Variants in THSD4 observed in about 807,000 individuals in gnomAD.
THSD4 encodes thrombospondin type-1 domain-containing protein 4.
A neutral mutation model predicts 119.0 loss-of-function variants in THSD4; 69 were observed. The ratio of observed to expected loss-of-function variants is 0.58; its 90% CI spans 0.48 to 0.71. The LOEUF (loss-of-function observed/expected upper bound fraction) is 0.71. THSD4 is among the 30% of genes least tolerant of loss of function. The probability of loss-of-function intolerance (pLI) is 0.00; values close to 1 mark genes in which losing one functional copy is unlikely to be tolerated. For synonymous variants in THSD4, 524 were observed against 540.4 expected (o/e 0.97, Z 0.42); for missense variants, 1,393 against 1,391.1 (o/e 1.00, Z -0.02).
chr15:71,520,644 A>T (rs539847470), intron 7 of THSD4, among the ~76,000 whole-genome samples: 1 of 152,198 alleles, frequency 6.6e-6, no homozygotes, highest in African/African-American at 2.4e-5. Context: ...AGCACTTACA[A>T]TGTGTCAGGT....
Position 71,341,522 on chromosome 15 carries a change from T to C in THSD4, c.1016-70165T>C, listed in dbSNP as rs199698042. Reference sequence around the variant, plus strand: ...CTGCGCACACCTGCCAACTCCACCGTTGTAATGTCGGAATGGTACACACTG... The same window carrying C: ...CTGCGCACACCTGCCAACTCCACCGCTGTAATGTCGGAATGGTACACACTG... On this transcript the variant is annotated intron_variant, in intron 6 of 17. Coordinates refer to ENST00000261862, the MANE Select transcript of THSD4 (RefSeq NM_024817.3). 8.6e-4 allele frequency: 1,389 copies of C among 1,612,224 alleles called. 22 individuals are homozygous for C. The South Asian group carries it at 0.014, about 16-fold the overall frequency.
In THSD4 at chr15:71,468,625, G is replaced by A. The variant is rs543052214; in HGVS notation, c.1152+56802G>A. On this transcript the variant is annotated intron_variant, in intron 7 of 17. Coordinates refer to ENST00000261862, the MANE Select transcript of THSD4 (RefSeq NM_024817.3). Reference sequence around the variant, plus strand: ...TAAAACATTACTTTTAGCTATAATAGAAAAAATAATAGCAGTGATCTAAAG... The same window carrying A: ...TAAAACATTACTTTTAGCTATAATAAAAAAAATAATAGCAGTGATCTAAAG... Among the ~76,000 whole-genome samples the A allele has an allele frequency of 1.2e-3, 182 of 152,208 alleles. 1 individual carries two copies. Among genetic ancestry groups the A allele is most frequent in the African/African-American group, 4.0e-3 (166 of 41,532 alleles).
intron 7 of THSD4, among the ~76,000 whole-genome samples, chr15:71,601,975 C>T (rs150182548): frequency 6.6e-6 from 1 of 152,168 alleles, no homozygotes; most frequent in African/African-American, 2.4e-5. Context: ...TTAGGAAAAC[C>T]ATGTGAAAAG....
intron 6 of THSD4, among the ~76,000 whole-genome samples, chr15:71,332,608 C>T (rs76000327): frequency 0.017 from 2,520 of 152,214 alleles, 33 homozygotes; most frequent in Middle Eastern, 0.034. Context: ...GATTTGAACC[C>T]CGGTTGAAGT....
In THSD4 at chr15:71,622,964, G is replaced by A. The variant is rs147423871; in HGVS notation, c.1153-37566G>A. Among the ~76,000 whole-genome samples, 29 of 152,274 alleles carry A rather than the reference G, an allele frequency of 1.9e-4. No individual in the cohort carries two copies. In the East Asian group the frequency reaches 5.4e-3, roughly 28 times the overall value. Reference sequence around the variant, plus strand: ...ATAAGAGCAAGCCAGAGTGAGCCATGTTCCAAGGACAAGGAAGAGGAGTCT... The same window carrying A: ...ATAAGAGCAAGCCAGAGTGAGCCATATTCCAAGGACAAGGAAGAGGAGTCT... On this transcript the variant is annotated intron_variant, in intron 7 of 17. Transcript: ENST00000261862.
At chr15:71,697,793 G>T (rs1032273976) in intron 8 of THSD4, among the ~76,000 whole-genome samples, 1 of 152,164 alleles carries the variant, frequency 6.6e-6, no homozygotes, top group Non-Finnish European at 1.5e-5. Flanking sequence ...TTGGTTATTT[G>T]TAGAACATCA....
intron 3 of THSD4, among the ~76,000 whole-genome samples, chr15:71,189,356 T>C (rs2141437216): frequency 6.6e-6 from 1 of 152,342 alleles, no homozygotes; most frequent in Middle Eastern, 3.4e-3. Context: ...ATTAGCACCA[T>C]TTCAGCACCA....
chr15:71,691,377 A>G (rs1194059402), intron 8 of THSD4, among the ~76,000 whole-genome samples: 2 of 152,226 alleles, frequency 1.3e-5, no homozygotes, highest in African/African-American at 4.8e-5. Context: ...TTCCTTTATC[A>G]TCAACACATC....
chr15:71,187,607 A>G (rs1250446010), intron 3 of THSD4: 2 of 152,656 alleles, frequency 1.3e-5, no homozygotes, highest in Non-Finnish European at 2.9e-5. Flanking sequence ...GGAATTAGAG[A>G]CAGATGCGTA....
intron 8 of THSD4, among the ~76,000 whole-genome samples, chr15:71,663,981 C>T (rs1303689040): frequency 6.6e-6 from 1 of 151,784 alleles, no homozygotes; most frequent in Non-Finnish European, 1.5e-5. Context: ...TTCAAGATTC[C>T]AGAACTTTTT....
chr15:71,120,904 C>A (rs1047051612), intron 1 of THSD4, among the ~76,000 whole-genome samples: 1 of 152,182 alleles, frequency 6.6e-6, no homozygotes, highest in Non-Finnish European at 1.5e-5. Flanking sequence ...GGGATGCAGC[C>A]ATGTGACTAC....
At chr15:71,376,325 C>T (rs2046136244) in intron 6 of THSD4, among the ~76,000 whole-genome samples, 1 of 152,166 alleles carries the variant, frequency 6.6e-6, no homozygotes, top group African/African-American at 2.4e-5. Context: ...AGGACCCAGC[C>T]TCCTTCCTTA....
At chr15:71,191,416 G>A (rs955066869) in intron 3 of THSD4, among the ~76,000 whole-genome samples, 1 of 152,192 alleles carries the variant, frequency 6.6e-6, no homozygotes, top group African/African-American at 2.4e-5. Flanking sequence ...GTTCATGTCT[G>A]GTTTGCCTTT....
intron 8 of THSD4, among the ~76,000 whole-genome samples, chr15:71,727,201 T>C (rs148280234): frequency 9.9e-5 from 15 of 152,214 alleles, no homozygotes; most frequent in African/African-American, 3.6e-4. Flanking sequence ...ATGGGGATTA[T>C]AACATCTGCT....
intron 7 of THSD4, among the ~76,000 whole-genome samples, chr15:71,440,853 G>C (rs961053782): frequency 6.6e-6 from 1 of 152,170 alleles, no homozygotes; most frequent in African/African-American, 2.4e-5. Context: ...ATTGCTCCTT[G>C]ATGATAACAT....
intron 7 of THSD4, among the ~76,000 whole-genome samples, chr15:71,434,897 C>G (rs2046991436): frequency 6.6e-6 from 1 of 152,262 alleles, no homozygotes; most frequent in Non-Finnish European, 1.5e-5. Context: ...TCAGGTGATT[C>G]TGAATGCAAA....
chr15:71,402,736 A>G lies in THSD4; in HGVS notation c.1016-8951A>G, dbSNP rs141854772. ...CACAGCGCAAGCTCCAGAAATAAAC[A>G]CCTATGAGCCAGCTCCTAACTGCTG... On this transcript the variant is annotated intron_variant, in intron 6 of 17. Transcript: ENST00000261862. Among the ~76,000 whole-genome samples the G allele has an allele frequency of 9.2e-3, 1,399 of 152,204 alleles. 28 individuals carry two copies. Among genetic ancestry groups the G allele is most frequent in the African/African-American group, 0.033 (1,360 of 41,500 alleles).
rs1215443995 is a variant in THSD4, at chr15:71,438,045, T to TCTTC, written c.1152+26222_1152+26223insCTTC. Among the ~76,000 whole-genome samples, 181 of 152,340 alleles carry TCTTC rather than the reference T, an allele frequency of 1.2e-3. 1 individual carries two copies. The highest frequency in any genetic ancestry group is 4.0e-3 in the African/African-American group (166 of 41,578). ...TGGGTGAAGAATTTAAGGAGGCATT[T>TCTTC]ACTAAGTTCTCCAGGTCTCCTTCAC... is the stretch of plus-strand genomic sequence containing the variant. On this transcript the variant is annotated intron_variant, in intron 7 of 17. Transcript: ENST00000261862.
At chr15:71,467,005 C>T (rs1292033759) in intron 7 of THSD4, among the ~76,000 whole-genome samples, 1 of 152,232 alleles carries the variant, frequency 6.6e-6, no homozygotes, top group Middle Eastern at 3.2e-3. Flanking sequence ...GTTTGTAACT[C>T]ACATCCCCGG....
Sources: gnomAD v4.1 joint callset for allele counts (sites outside exome capture counted in the v4.1 genomes callset) on GRCh38, gnomAD v4.1.1 for gene constraint, MANE v1.5 for transcripts, NCBI Gene and HGNC (gene_info 2026-07-23, HGNC 2026-07-21) for gene names.